DAZAP1: variants seen among roughly 807,000 people sequenced by gnomAD.
DAZAP1 encodes DAZ associated protein 1, also known as DAZ-associated protein 1.
Under a neutral mutation model 60.1 loss-of-function variants are expected in DAZAP1, and 6 were observed. The ratio of observed to expected loss-of-function variants is 0.10; its 90% confidence interval spans 0.05 to 0.20. DAZAP1 has a LOEUF of 0.20. Among genes scored for constraint, DAZAP1 ranks in the 10% least tolerant of loss-of-function variants. The probability of loss-of-function intolerance (pLI) is 1.00; values close to 1 mark genes in which losing one functional copy is unlikely to be tolerated. For missense variants in DAZAP1, 366 were observed against 560.4 expected (o/e 0.65, Z 3.50); for synonymous variants, 235 against 215.9 (o/e 1.09, Z -0.78).
Position 1,432,897 on chromosome 19 carries a change from G to C in DAZAP1, c.1048+207G>C. ...AAGGGAGCGTGGGAGTCTTGTCGCAGCAGAGCACTCGTCATACAGCAGGTG... is the reference window on the plus strand; with the variant it reads ...AAGGGAGCGTGGGAGTCTTGTCGCACCAGAGCACTCGTCATACAGCAGGTG... On this transcript the variant is annotated intron_variant, in intron 11 of 11. Transcript: ENST00000233078. This position sits in a 1 kb window ranked among gnomAD's most constrained non-coding sequence, Gnocchi z 4.9. 1 of 591,712 alleles carries C rather than the reference G, an allele frequency of 1.7e-6. No homozygotes were observed. Among genetic ancestry groups the C allele is most frequent in the Non-Finnish European group, 3.0e-6 (1 of 338,086 alleles). The allele number at this position is 591,712 out of a possible 1,614,324, so 36.7% of individuals were successfully genotyped here. A position where few individuals can be genotyped will look rare whatever the true frequency, so the allele number is the denominator to read the frequency against.
Position 1,416,237 on chromosome 19 carries a change from C to G in DAZAP1, c.30-1263C>G, listed in dbSNP as rs114360674. The G allele has an allele frequency of 6.6e-6, 1 of 152,174 alleles. No homozygotes were observed. Among genetic ancestry groups the G allele is most frequent in the Non-Finnish European group, 1.5e-5 (1 of 68,044 alleles). The allele number at this position is 152,174 out of a possible 1,614,324, so 9.4% of individuals were successfully genotyped here. A position where few individuals can be genotyped will look rare whatever the true frequency, so the allele number is the denominator to read the frequency against. On this transcript the variant is annotated intron_variant, in intron 1 of 11. Coordinates refer to ENST00000233078, the MANE Select transcript of DAZAP1 (RefSeq NM_018959.4). This position sits in a 1 kb window ranked among gnomAD's most constrained non-coding sequence, Gnocchi z 4.3. ...TGACAGCGACGTTTTTGCTGAAAGCCGAAGCCAAGGGTGGTGTGGTTGGCC... is the reference window on the plus strand; with the variant it reads ...TGACAGCGACGTTTTTGCTGAAAGCGGAAGCCAAGGGTGGTGTGGTTGGCC...
rs759906531 is a variant in DAZAP1 at position 1,425,674 on chromosome 19, C to T, written c.464-204C>T. On this transcript the variant is annotated intron_variant, in intron 6 of 11. Transcript: ENST00000233078. The surrounding 1 kb of genome is among the most constrained non-coding windows in gnomAD (Gnocchi z 5.4). ...GTCAGCAGAGCCGTCACCGGGAGTG[C>T]GGACGTCACCGTCTGTCCACTCCGT... Among the ~76,000 whole-genome samples the T allele has an allele frequency of 7.9e-5, 12 of 152,184 alleles. No individual in the cohort carries two copies. Among genetic ancestry groups the T allele is most frequent in the Non-Finnish European group, 1.5e-4 (10 of 68,020 alleles).
chr19:1,421,082 T>G, intron 4 of DAZAP1, 66 bp from the exon 5 acceptor site: 1 of 1,476,030 alleles, frequency 6.8e-7, no homozygotes, highest in Non-Finnish European at 9.4e-7. Context: ...CTTTATGTCC[T>G]CCGCAGCTCG....
chr19:1,416,377 G>T lies in DAZAP1; in HGVS notation c.30-1123G>T, dbSNP rs1250319095. 2.0e-5 allele frequency: 3 copies of T among 152,304 alleles called. No homozygotes were observed. Among genetic ancestry groups the T allele is most frequent in the African/African-American group, 7.2e-5 (3 of 41,456 alleles). The allele number at this position is 152,304 out of a possible 1,614,324, so 9.4% of individuals were successfully genotyped here. A position where few individuals can be genotyped will look rare whatever the true frequency, so the allele number is the denominator to read the frequency against. On this transcript the variant is annotated intron_variant, in intron 1 of 11. Transcript: ENST00000233078. This position sits in a 1 kb window ranked among gnomAD's most constrained non-coding sequence, Gnocchi z 4.3. The stretch of plus-strand genomic sequence containing the variant: ...GTGTTTTGCTCTCTGGAGACCAAGG[G>T]TGATGATGGTGCTGGCACTGAGTCA...
chr19:1,424,324 CCTCTT>C (rs1292676831), intron 6 of DAZAP1, among the ~76,000 whole-genome samples: 9 of 142,672 alleles, frequency 6.3e-5, no homozygotes, highest in African/African-American at 2.3e-4. Flanking sequence ...TCTTCCTCCT[CCTCTT>C]CCCCCTCCCC....
At chr19:1,410,736 C>G (rs908011854) in intron 1 of DAZAP1, among the ~76,000 whole-genome samples, 1 of 152,192 alleles carries the variant, frequency 6.6e-6, no homozygotes, top group Admixed American at 6.5e-5. Flanking sequence ...CCTCGAGCGC[C>G]CAGGCCATTG....
intron 1 of DAZAP1, among the ~76,000 whole-genome samples, chr19:1,412,783 G>A (rs1194083534): frequency 6.6e-6 from 1 of 152,238 alleles, no homozygotes; most frequent in African/African-American, 2.4e-5. Flanking sequence ...GCCGGCCACC[G>A]TGGATTGAGC....
At chr19:1,415,626 G>C (rs889446075) in intron 1 of DAZAP1, 3 of 151,922 alleles carry the variant, frequency 2.0e-5, no homozygotes, top group African/African-American at 7.3e-5. Context: ...TGGAGAGTGA[G>C]GCACGCGGAG....
chr19:1,414,780 T>C (rs1274691942), intron 1 of DAZAP1, among the ~76,000 whole-genome samples: 1 of 152,074 alleles, frequency 6.6e-6, no homozygotes, highest in Non-Finnish European at 1.5e-5. Flanking sequence ...AAATTGTATT[T>C]GAGTATTTTT....
Position 1,432,315 on chromosome 19 carries a change from G to A in DAZAP1, c.872-199G>A. ...TCAGCATCCCGCCACGCTCCCAGGA[G>A]TGTGTGTTTCCTGGGGGGAGCGGCC... On this transcript the variant is annotated intron_variant, in intron 10 of 11. Coordinates refer to ENST00000233078, the MANE Select transcript of DAZAP1 (RefSeq NM_018959.4). This position sits in a 1 kb window ranked among gnomAD's most constrained non-coding sequence, Gnocchi z 4.9. The A allele has an allele frequency of 1.6e-6, 1 of 628,934 alleles. No homozygotes were observed. Among genetic ancestry groups the A allele is most frequent in the South Asian group, 1.8e-5 (1 of 54,442 alleles). The allele number at this position is 628,934 out of a possible 1,614,324, so 39.0% of individuals were successfully genotyped here.
rs1310274545 is a variant in DAZAP1 at position 1,422,716 on chromosome 19, C to A, written c.463+320C>A. 3.3e-5 allele frequency among the ~76,000 whole-genome samples: 5 copies of A among 152,110 alleles called. No homozygotes were observed. The highest frequency in any genetic ancestry group is 6.6e-5 in the Admixed American group (1 of 15,264). On this transcript the variant is annotated intron_variant, in intron 6 of 11. Transcript: ENST00000233078. This position sits in a 1 kb window ranked among gnomAD's most constrained non-coding sequence, Gnocchi z 4.5. Reference sequence around the variant, plus strand: ...CTTCTGCATTTGACCTTCCTTCACCCTCATCCAGTCCTCCCAGTGTGGCCG... The same window carrying A: ...CTTCTGCATTTGACCTTCCTTCACCATCATCCAGTCCTCCCAGTGTGGCCG...
intron 1 of DAZAP1, 84 bp downstream of exon 1, chr19:1,407,886 CG>C: frequency 3.9e-6 from 4 of 1,017,794 alleles, no homozygotes; most frequent in Non-Finnish European, 4.7e-6. Flanking sequence ...CGCCGCCCCC[CG>C]GGGCCGCCCC....
At position 1,419,785 on chromosome 19, in the gene DAZAP1, CACACACTCAT is replaced by C. The variant is rs2083094091; in HGVS notation, c.303+1055_303+1064del. ...CACGGCAGCGAGCACTCACCCCACG[CACACACTCAT>C]GAAACCATCCCAACCGTCACGGCAG... is the stretch of plus-strand genomic sequence containing the variant. On this transcript the variant is annotated intron_variant, in intron 4 of 11. Coordinates refer to ENST00000233078, the MANE Select transcript of DAZAP1 (RefSeq NM_018959.4). Among the ~76,000 whole-genome samples the C allele has an allele frequency of 4.0e-5, 6 of 151,722 alleles. No individual in the cohort carries two copies. In the East Asian group the frequency reaches 5.8e-4, roughly 15 times the overall value.
Position 1,425,599 on chromosome 19 carries a change from A to C in DAZAP1, c.464-279A>C, listed in dbSNP as rs1439959181. 6.6e-6 allele frequency among the ~76,000 whole-genome samples: 1 copy of C among 152,156 alleles called. No homozygotes were observed. The highest frequency in any genetic ancestry group is 1.5e-5 in the Non-Finnish European group (1 of 68,024). ...GCTCCTTGTTCCAAATCTTTGTGAC[A>C]CGGAGCCCCAGCCCGGGGTGTCTGG... is the stretch of plus-strand genomic sequence containing the variant. On this transcript the variant is annotated intron_variant, in intron 6 of 11. Coordinates refer to ENST00000233078, the MANE Select transcript of DAZAP1 (RefSeq NM_018959.4). This position sits in a 1 kb window ranked among gnomAD's most constrained non-coding sequence, Gnocchi z 5.4.
At chr19:1,417,617 C>T (rs982407066) in intron 2 of DAZAP1, 77 bp downstream of exon 2, 1 of 1,313,846 alleles carries the variant, frequency 7.6e-7, no homozygotes, top group Non-Finnish European at 1.1e-6. Context: ...GTCTGCCCGC[C>T]TCTTGCTACT....
chr19:1,428,964 G>A lies in DAZAP1; in HGVS notation c.669G>A (p.Pro223=), dbSNP rs746517779. 9.3e-6 allele frequency: 15 copies of A among 1,605,824 alleles called. No homozygotes were observed. Among genetic ancestry groups the A allele is most frequent in the Admixed American group, 6.8e-5 (4 of 58,500 alleles). ...CCAATGGCTGGGCAGGCCAGCCCCC[G>A]CCCACGTGGCAGCAAGGATATGGCC... ...NAANGWAGQP[P]PTWQQGYGPQ... Residue 223 remains proline, a synonymous_variant, in exon 8 of 12, where the codon CCG becomes CCA. Coordinates refer to ENST00000233078, the MANE Select transcript of DAZAP1 (RefSeq NM_018959.4). The surrounding 1 kb of genome is among the most constrained non-coding windows in gnomAD (Gnocchi z 4.0).
rs2082699894 is a variant in DAZAP1 at position 1,407,594 on chromosome 19, A to G, written c.-180A>G. On this transcript the variant is annotated 5_prime_UTR_variant, in exon 1 of 12. Coordinates refer to ENST00000233078, the MANE Select transcript of DAZAP1 (RefSeq NM_018959.4). ...CGCGGCGGCGCGGGGACGCGCGGTG[A>G]CCGTTGGCGCCGAGGGGAGGAGGCA... 2 of 314,720 alleles carry G rather than the reference A, an allele frequency of 6.4e-6. No individual in the cohort carries two copies. Among genetic ancestry groups the G allele is most frequent in the African/African-American group, 2.4e-5 (1 of 42,258 alleles). The allele number at this position is 314,720 out of a possible 1,614,324, so 19.5% of individuals were successfully genotyped here.
Position 1,430,273 on chromosome 19 carries a change from C to CCCG in DAZAP1, c.782_783insCCG (p.Pro261_Phe262insArg). 1 of 1,429,616 alleles carries CCCG rather than the reference C, an allele frequency of 7.0e-7. No homozygotes were observed. Among genetic ancestry groups the CCCG allele is most frequent in the Non-Finnish European group, 9.6e-7 (1 of 1,036,402 alleles). The allele number at this position is 1,429,616 out of a possible 1,614,324, so 88.6% of individuals were successfully genotyped here. On this transcript the variant is annotated inframe_insertion, in exon 10 of 12. Coordinates refer to ENST00000233078, the MANE Select transcript of DAZAP1 (RefSeq NM_018959.4). ...AGAGGAGCCCCCCCGCCACCCCCAC[C>CCCG]GTTCACCTCCTACATCGTGTCCACC...
rs1183680884 is a variant in DAZAP1 at position 1,426,187 on chromosome 19, T to G, written c.546+227T>G. Among the ~76,000 whole-genome samples the G allele has an allele frequency of 6.6e-6, 1 of 152,096 alleles. No homozygotes were observed. Among genetic ancestry groups the G allele is most frequent in the African/African-American group, 2.4e-5 (1 of 41,426 alleles). On this transcript the variant is annotated intron_variant, in intron 7 of 11. Transcript: ENST00000233078. The surrounding 1 kb of genome is among the most constrained non-coding windows in gnomAD (Gnocchi z 5.4). ...CTCTCAGCTTTGCTCCTGGAGCCCC[T>G]CCCTCTGGGTGACCTGGGACTGGGC...
Sources: gnomAD v4.1 joint callset for allele counts (sites outside exome capture counted in the v4.1 genomes callset) on GRCh38, gnomAD v4.1.1 for gene constraint, Gnocchi (gnomAD v3.1) non-coding constraint, MANE v1.5 for transcripts, NCBI Gene and HGNC (gene_info 2026-07-23, HGNC 2026-07-21) for gene names.